Variants in ANKS1B observed in about 807,000 individuals in gnomAD.
ANKS1B encodes the protein ankyrin repeat and sterile alpha motif domain containing 1B, also known as ankyrin repeat and sterile alpha motif domain-containing protein 1B.
Under a neutral mutation model 148.3 loss-of-function variants are expected in ANKS1B, and 36 were observed. That is an observed-to-expected ratio of 0.24 (90% confidence interval 0.19 to 0.32). ANKS1B has a LOEUF of 0.32. Ranked by LOEUF, ANKS1B falls within the 10% of genes least tolerant of loss-of-function variation. ANKS1B has a pLI of 1.00. For synonymous variants in ANKS1B, 542 were observed against 560.8 expected, an observed-to-expected ratio of 0.97 and a Z score of 0.47; for missense variants, 1,157 against 1,542.6, an observed-to-expected ratio of 0.75 and a Z score of 4.19.
intron 9 of ANKS1B, among the ~76,000 whole-genome samples, chr12:99,632,542 A>G (rs556776075): frequency 1.3e-5 from 2 of 151,626 alleles, no homozygotes; most frequent in African/African-American, 4.8e-5. Context: ...AGCCCAGGAA[A>G]GCCACAAAGG....
At chr12:99,329,751 A>C (rs1017287061) in intron 12 of ANKS1B, among the ~76,000 whole-genome samples, 4 of 151,858 alleles carry the variant, frequency 2.6e-5, no homozygotes, top group African/African-American at 9.7e-5. Flanking sequence ...ATGCCACTTC[A>C]TGTCCTTAGG....
At chr12:98,955,356 T>G (rs909525985) in intron 17 of ANKS1B, among the ~76,000 whole-genome samples, 1 of 152,108 alleles carries the variant, frequency 6.6e-6, no homozygotes, top group African/African-American at 2.4e-5. Flanking sequence ...GAGGTGGGCA[T>G]GAACAGGGAA....
intron 12 of ANKS1B, among the ~76,000 whole-genome samples, chr12:99,289,054 T>G (rs1303718375): frequency 6.6e-6 from 1 of 151,796 alleles, no homozygotes; most frequent in African/African-American, 2.4e-5. Flanking sequence ...TCATCGAGAC[T>G]GAAAATGAAA....
chr12:98,819,366 T>C (rs1336250145), intron 19 of ANKS1B, among the ~76,000 whole-genome samples: 1 of 152,208 alleles, frequency 6.6e-6, no homozygotes, highest in Non-Finnish European at 1.5e-5. Flanking sequence ...ACATCCCCCT[T>C]ATCACATGGG....
chr12:99,107,027 C>T (rs2059369151), intron 15 of ANKS1B, among the ~76,000 whole-genome samples: 1 of 151,930 alleles, frequency 6.6e-6, no homozygotes, highest in African/African-American at 2.4e-5. Flanking sequence ...TCCATTACAC[C>T]ACAATGATGG....
intron 12 of ANKS1B, among the ~76,000 whole-genome samples, chr12:99,385,594 A>G (rs1424814746): frequency 1.3e-5 from 2 of 152,248 alleles, no homozygotes; most frequent in Non-Finnish European, 2.9e-5. Flanking sequence ...TTAATTTGAT[A>G]TAAGGCAACC....
At chr12:99,308,136 A>AAAT (rs1451252295) in intron 12 of ANKS1B, among the ~76,000 whole-genome samples, 1 of 152,090 alleles carries the variant, frequency 6.6e-6, no homozygotes, top group Non-Finnish European at 1.5e-5. Context: ...AGGTTTTAAA[A>AAAT]AATGGATTTA....
intron 9 of ANKS1B, among the ~76,000 whole-genome samples, chr12:99,520,535 A>G (rs1436488089): frequency 1.3e-5 from 2 of 152,138 alleles, no homozygotes; most frequent in Non-Finnish European, 2.9e-5. Context: ...TTGATTATTA[A>G]ATACCTTGAA....
Position 99,573,375 on chromosome 12 carries a change from T to C in ANKS1B, c.1273-68734A>G, listed in dbSNP as rs533329241. Among the ~76,000 whole-genome samples the C allele has an allele frequency of 2.6e-4, 40 of 152,278 alleles. No homozygotes were observed. In the South Asian group the frequency reaches 7.7e-3, roughly 29 times the overall value. ...ACATTGACATATGAGATGATTGATTTTTTTAAAAAATTGGTATTATCTTAA... is the reference window on the plus strand; with the variant it reads ...ACATTGACATATGAGATGATTGATTCTTTTAAAAAATTGGTATTATCTTAA... On this transcript the variant is annotated intron_variant, in intron 9 of 26. Transcript: ENST00000683438.
chr12:99,314,858 G>A (rs936318691), intron 12 of ANKS1B, among the ~76,000 whole-genome samples: 2 of 152,136 alleles, frequency 1.3e-5, no homozygotes, highest in Non-Finnish European at 2.9e-5. Flanking sequence ...ATAGGCATGG[G>A]CAAAGATTTC....
intron 14 of ANKS1B, among the ~76,000 whole-genome samples, chr12:99,230,788 A>AT (rs925944875): frequency 4.6e-5 from 7 of 152,220 alleles, no homozygotes; most frequent in Non-Finnish European, 7.4e-5. Context: ...TGAAATTCAC[A>AT]TTTTTACATG....
intron 17 of ANKS1B, among the ~76,000 whole-genome samples, chr12:98,888,740 AG>A (rs769899612): frequency 6.6e-6 from 1 of 152,148 alleles, no homozygotes; most frequent in Non-Finnish European, 1.5e-5. Flanking sequence ...CCACCTTCTC[AG>A]GGATACCCCC....
At chr12:99,318,447 T>C (rs1004820559) in intron 12 of ANKS1B, among the ~76,000 whole-genome samples, 1 of 152,226 alleles carries the variant, frequency 6.6e-6, no homozygotes, top group African/African-American at 2.4e-5. Flanking sequence ...TCTAGTTTAT[T>C]TGTGTAGAGG....
At chr12:98,962,612 C>A (rs2099873415) in intron 17 of ANKS1B, among the ~76,000 whole-genome samples, 1 of 152,074 alleles carries the variant, frequency 6.6e-6, no homozygotes, top group Non-Finnish European at 1.5e-5. Flanking sequence ...TAGATATTTA[C>A]AGAACATTTC....
intron 9 of ANKS1B, among the ~76,000 whole-genome samples, chr12:99,517,602 G>A (rs902782984): frequency 4.0e-5 from 6 of 151,572 alleles, no homozygotes; most frequent in African/African-American, 9.7e-5. Flanking sequence ...GGTGGTGGGC[G>A]CCTGTAATCT....
chr12:98,780,019 A>G (rs557985982), intron 24 of ANKS1B, among the ~76,000 whole-genome samples: 2 of 152,328 alleles, frequency 1.3e-5, no homozygotes, highest in African/African-American at 4.8e-5. Flanking sequence ...CTCTTTCGTC[A>G]CAGAAAACCA....
chr12:99,228,758 G>A (rs1358542193), intron 14 of ANKS1B, among the ~76,000 whole-genome samples: 1 of 151,862 alleles, frequency 6.6e-6, no homozygotes, highest in Non-Finnish European at 1.5e-5. Context: ...CAAGTCCAAT[G>A]ACTCCCTTTT....
chr12:99,021,102 C>G (rs1321319825), intron 17 of ANKS1B, among the ~76,000 whole-genome samples: 2 of 151,912 alleles, frequency 1.3e-5, no homozygotes, highest in East Asian at 3.9e-4. Flanking sequence ...TTGCAGATGT[C>G]AAAACTGAAG....
chr12:99,213,798 C>T (rs1218927728), intron 14 of ANKS1B, among the ~76,000 whole-genome samples: 2 of 152,206 alleles, frequency 1.3e-5, no homozygotes, highest in Admixed American at 6.5e-5. Context: ...TAGCAGTCAT[C>T]ATAGTTGTTT....
Sources: allele counts gnomAD v4.1 joint callset (sites outside exome capture counted in the v4.1 genomes callset), GRCh38; gene constraint gnomAD v4.1.1; transcripts MANE v1.5; gene names NCBI Gene and HGNC (gene_info 2026-07-23, HGNC 2026-07-21).